GALNTL6: variants seen among roughly 807,000 people sequenced by gnomAD.
GALNTL6 encodes polypeptide N-acetylgalactosaminyltransferase like 6.
Under a neutral mutation model 73.7 loss-of-function variants are expected in GALNTL6, and 46 were observed. The observed-to-expected ratio is 0.62, with a 90% CI of 0.49 to 0.80. GALNTL6 has a LOEUF of 0.80. Ranked by LOEUF, GALNTL6 falls within the 30% of genes least tolerant of loss-of-function variation. GALNTL6 has a pLI of 0.00. For synonymous variants in GALNTL6, 259 were observed against 263.7 expected (o/e 0.98, Z 0.17); for missense variants, 604 against 755.0 (o/e 0.80, Z 2.34).
At chr4:172,040,246 ATACT>A (rs1469540410) in intron 2 of GALNTL6, among the ~76,000 whole-genome samples, 1 of 152,120 alleles carries the variant, frequency 6.6e-6, no homozygotes, top group African/African-American at 2.4e-5. Flanking sequence ...AACAATTTAA[ATACT>A]TACAAAATAA....
intron 2 of GALNTL6, among the ~76,000 whole-genome samples, chr4:171,859,145 T>C (rs1483032159): frequency 1.3e-5 from 2 of 152,166 alleles, no homozygotes; most frequent in Non-Finnish European, 2.9e-5. Context: ...TGTGTTCCAC[T>C]CATCTTTTCT....
chr4:171,826,099 A>T (rs1734817444), intron 2 of GALNTL6, among the ~76,000 whole-genome samples: 1 of 152,202 alleles, frequency 6.6e-6, no homozygotes, highest in South Asian at 2.1e-4. Flanking sequence ...GAAAAGAATC[A>T]TTCCACATTT....
chr4:172,374,063 C>G (rs998722186), intron 5 of GALNTL6, among the ~76,000 whole-genome samples: 15 of 152,322 alleles, frequency 9.8e-5, no homozygotes, highest in African/African-American at 3.6e-4. Context: ...TCTTCGTTCT[C>G]TGGAGCAGTG....
At chr4:172,321,648 T>C (rs1365971525) in intron 4 of GALNTL6, among the ~76,000 whole-genome samples, 4 of 152,190 alleles carry the variant, frequency 2.6e-5, no homozygotes, top group South Asian at 2.1e-4. Flanking sequence ...CATATAAAAC[T>C]TCTAGAGTTG....
intron 5 of GALNTL6, among the ~76,000 whole-genome samples, chr4:172,623,151 A>T (rs940735054): frequency 5.3e-5 from 8 of 152,164 alleles, no homozygotes; most frequent in Non-Finnish European, 1.2e-4. Flanking sequence ...ATTGTCAAAA[A>T]TCAATGCACG....
intron 5 of GALNTL6, among the ~76,000 whole-genome samples, chr4:172,744,156 C>T (rs935645468): frequency 2.0e-5 from 3 of 151,926 alleles, no homozygotes; most frequent in Non-Finnish European, 2.9e-5. Flanking sequence ...GAATCTGCAT[C>T]CCCACTGAAC....
At chr4:171,825,767 G>C (rs1169445226) in intron 2 of GALNTL6, among the ~76,000 whole-genome samples, 1 of 152,100 alleles carries the variant, frequency 6.6e-6, no homozygotes, top group African/African-American at 2.4e-5. Flanking sequence ...CATAGGGACT[G>C]ATTGGATCAA....
chr4:172,623,272 G>A (rs549623881), intron 5 of GALNTL6, among the ~76,000 whole-genome samples: 59 of 152,200 alleles, frequency 3.9e-4, no homozygotes, highest in African/African-American at 1.0e-3. Context: ...AAAAAGAAAC[G>A]TGAATGCTCT....
intron 8 of GALNTL6, among the ~76,000 whole-genome samples, chr4:172,899,035 G>C (rs2111234298): frequency 6.6e-6 from 1 of 152,224 alleles, no homozygotes; most frequent in South Asian, 2.1e-4. Flanking sequence ...AATTGATCAT[G>C]ACCCTCTCAG....
At chr4:172,514,177 T>A (rs946719409) in intron 5 of GALNTL6, among the ~76,000 whole-genome samples, 1 of 152,170 alleles carries the variant, frequency 6.6e-6, no homozygotes, top group Non-Finnish European at 1.5e-5. Flanking sequence ...CAAGAGATTA[T>A]GTCTTTTGTC....
At chr4:172,547,079 C>T (rs571117491) in intron 5 of GALNTL6, among the ~76,000 whole-genome samples, 1 of 151,816 alleles carries the variant, frequency 6.6e-6, no homozygotes, top group South Asian at 2.1e-4. Flanking sequence ...ATCAACAAAA[C>T]TATTATAGGA....
At chr4:171,897,636 G>C (rs1736963645) in intron 2 of GALNTL6, among the ~76,000 whole-genome samples, 1 of 152,000 alleles carries the variant, frequency 6.6e-6, no homozygotes, top group Non-Finnish European at 1.5e-5. Context: ...GCCTGGTCAA[G>C]ATGGTGAAAC....
rs373098143 is a variant in GALNTL6, at chr4:172,723,065, A to T, written c.554-86296A>T. Among the ~76,000 whole-genome samples, 19 of 152,050 alleles carry T rather than the reference A, an allele frequency of 1.2e-4. No homozygotes were observed. In the East Asian group the frequency reaches 2.1e-3, roughly 17 times the overall value. On this transcript the variant is annotated intron_variant, in intron 5 of 12. Transcript: ENST00000506823. ...ATCAAGAGGGTGCCCACGTTCTTTG[A>T]CTCATGTATATCAGCCTCCATTTCA... is the stretch of plus-strand genomic sequence containing the variant.
chr4:171,854,376 T>A (rs1369263894), intron 2 of GALNTL6, among the ~76,000 whole-genome samples: 3 of 152,222 alleles, frequency 2.0e-5, no homozygotes, highest in Non-Finnish European at 4.4e-5. Context: ...AGTTATGTTT[T>A]GAACATGAGA....
At chr4:172,290,755 A>C (rs1371005904) in intron 3 of GALNTL6, among the ~76,000 whole-genome samples, 1 of 151,834 alleles carries the variant, frequency 6.6e-6, no homozygotes, top group Non-Finnish European at 1.5e-5. Flanking sequence ...CATATCATAT[A>C]ATAATTTATA....
intron 12 of GALNTL6, among the ~76,000 whole-genome samples, chr4:173,035,247 C>T (rs1448794920): frequency 6.7e-6 from 1 of 149,776 alleles, no homozygotes; most frequent in Non-Finnish European, 1.5e-5. Context: ...GGCGCAATCT[C>T]GGCTCACCGC....
intron 5 of GALNTL6, among the ~76,000 whole-genome samples, chr4:172,475,555 C>T (rs1302800995): frequency 2.0e-5 from 3 of 151,898 alleles, no homozygotes; most frequent in South Asian, 2.1e-4. Flanking sequence ...TTTACTTTTT[C>T]GGCATTTTCA....
chr4:171,873,036 T>C (rs1414955875), intron 2 of GALNTL6, among the ~76,000 whole-genome samples: 1 of 152,186 alleles, frequency 6.6e-6, no homozygotes, highest in Admixed American at 6.5e-5. Context: ...CTTATTACTA[T>C]CATAGGAACA....
At position 172,188,745 on chromosome 4, in the gene GALNTL6, G is replaced by A. The variant is rs549557116; in HGVS notation, c.139-40911G>A. 6.3e-4 allele frequency among the ~76,000 whole-genome samples: 96 copies of A among 152,242 alleles called. 1 individual carries two copies. The highest frequency in any genetic ancestry group is 2.3e-3 in the African/African-American group (94 of 41,544). ...GGACTCTCCTGGGTGAAGGGTGGTG[G>A]GTGGAGCATTTCCCATAGGCAGTGT... is the stretch of plus-strand genomic sequence containing the variant. On this transcript the variant is annotated intron_variant, in intron 2 of 12. Transcript: ENST00000506823.
Sources: allele counts gnomAD v4.1 joint callset (sites outside exome capture counted in the v4.1 genomes callset), GRCh38; gene constraint gnomAD v4.1.1; transcripts MANE v1.5; gene names NCBI Gene and HGNC (gene_info 2026-07-23, HGNC 2026-07-21).